Variants in MKLN1 observed in about 807,000 individuals in gnomAD.
MKLN1 encodes muskelin 1, also known as muskelin.
A neutral mutation model predicts 99.0 loss-of-function variants in MKLN1; 18 were observed. That is an observed-to-expected ratio of 0.18 (90% confidence interval 0.13 to 0.27). MKLN1 has a LOEUF of 0.27. MKLN1 is among the 10% of genes least tolerant of loss of function. MKLN1 has a pLI of 1.00. For synonymous variants in MKLN1, 288 were observed against 293.2 expected, an observed-to-expected ratio of 0.98 and a Z score of 0.18; for missense variants, 621 against 875.9, an observed-to-expected ratio of 0.71 and a Z score of 3.67.
chr7:131,146,011 G>A (rs558793055), intron 2 of MKLN1, among the ~76,000 whole-genome samples: 28 of 152,330 alleles, frequency 1.8e-4, no homozygotes, highest in South Asian at 8.3e-4. Flanking sequence ...ACCATAATAC[G>A]TGATTAATGA....
chr7:131,412,074 G>A lies in MKLN1; in HGVS notation c.781+691G>A, dbSNP rs539829483. On this transcript the variant is annotated intron_variant, in intron 7 of 17. Coordinates refer to ENST00000352689, the MANE Select transcript of MKLN1 (RefSeq NM_013255.5). ...TGCACTTCAACCTGGGCAACAGAGCGAGACTCTGTCTCAAAAAACAAAACA... is the reference window on the plus strand; with the variant it reads ...TGCACTTCAACCTGGGCAACAGAGCAAGACTCTGTCTCAAAAAACAAAACA... 1.2e-4 allele frequency among the ~76,000 whole-genome samples: 19 copies of A among 152,142 alleles called. 1 individual carries two copies. The South Asian group carries it at 2.1e-3, about 17-fold the overall frequency.
chr7:131,448,851 A>G (rs1272164521), intron 12 of MKLN1, among the ~76,000 whole-genome samples: 1 of 152,218 alleles, frequency 6.6e-6, no homozygotes, highest in Non-Finnish European at 1.5e-5. Flanking sequence ...ACCATCTACT[A>G]GCATCTAAGT....
intron 9 of MKLN1, 42 bp from the exon 10 acceptor site, chr7:131,437,743 T>C: frequency 1.4e-6 from 2 of 1,400,834 alleles, no homozygotes; most frequent in Non-Finnish European, 2.0e-6. Context: ...TTTTTTTTGC[T>C]CTTTATTTGT....
chr7:131,230,826 A>G (rs530935759), intron 3 of MKLN1, among the ~76,000 whole-genome samples: 11 of 152,108 alleles, frequency 7.2e-5, no homozygotes, highest in South Asian at 2.1e-4. Context: ...GCTTCTGTTT[A>G]TATGTCTCTT....
At chr7:131,282,175 C>T (rs1171954070) in intron 3 of MKLN1, among the ~76,000 whole-genome samples, 1 of 151,570 alleles carries the variant, frequency 6.6e-6, no homozygotes, top group East Asian at 1.9e-4. Context: ...CATGGAGAAA[C>T]TTCATCTCTA....
intron 1 of MKLN1, among the ~76,000 whole-genome samples, chr7:131,337,141 T>C (rs1799271655): frequency 6.6e-6 from 1 of 152,160 alleles, no homozygotes; most frequent in South Asian, 2.1e-4. Context: ...GCTGCCTTTC[T>C]TTTTGTCATT....
chr7:131,247,235 C>CTTTTTTTTTTT (rs72068521), intron 3 of MKLN1, among the ~76,000 whole-genome samples: 13 of 141,148 alleles, frequency 9.2e-5, no homozygotes, highest in Admixed American at 2.8e-4. Context: ...TTTCTTTTTT[C>CTTTTTTTTTTT]TTTTTTTTTT....
At chr7:131,254,843 A>G (rs1563268741) in intron 3 of MKLN1, among the ~76,000 whole-genome samples, 1 of 152,294 alleles carries the variant, frequency 6.6e-6, no homozygotes, top group East Asian at 1.9e-4. Flanking sequence ...TGGGGTTACC[A>G]GAAGAAGAGG....
intron 2 of MKLN1, among the ~76,000 whole-genome samples, chr7:131,192,079 ATATATATTATATATATATG>A (rs1328140765): frequency 1.4e-5 from 1 of 71,672 alleles, no homozygotes; most frequent in African/African-American, 7.3e-5. Flanking sequence ...ATATATATAC[ATATATATTATATATATATG>A]TATATATATA....
intron 1 of MKLN1, among the ~76,000 whole-genome samples, chr7:131,347,314 A>T (rs1799592051): frequency 6.6e-6 from 1 of 152,220 alleles, no homozygotes; most frequent in African/African-American, 2.4e-5. Flanking sequence ...CTGCATTCAG[A>T]TGCAGGAACC....
At chr7:131,445,628 C>G (rs1584751374) in intron 11 of MKLN1, 146 bp from the exon 12 acceptor site, 2 of 578,246 alleles carry the variant, frequency 3.5e-6, no homozygotes, top group Admixed American at 6.6e-5. Flanking sequence ...AGAGAGCTTC[C>G]TCTTTCCCTT....
At chr7:131,124,480 T>C (rs1372631529) in intron 1 of MKLN1, among the ~76,000 whole-genome samples, 1 of 152,208 alleles carries the variant, frequency 6.6e-6, no homozygotes, top group Admixed American at 6.5e-5. Context: ...GCCCTACTTA[T>C]GGGTCCAACC....
At chr7:131,151,801 G>T (rs543330507) in intron 2 of MKLN1, among the ~76,000 whole-genome samples, 5 of 151,948 alleles carry the variant, frequency 3.3e-5, no homozygotes, top group African/African-American at 1.2e-4. Context: ...ATTTATGCAC[G>T]CATACAAACA....
At chr7:131,362,481 G>T (rs1800058996) in intron 1 of MKLN1, among the ~76,000 whole-genome samples, 1 of 152,000 alleles carries the variant, frequency 6.6e-6, no homozygotes, top group Non-Finnish European at 1.5e-5. Flanking sequence ...TGCATAGTTT[G>T]TACTAGGAAT....
chr7:131,332,647 GATGT>G (rs1799112653), intron 1 of MKLN1, among the ~76,000 whole-genome samples: 2 of 151,706 alleles, frequency 1.3e-5, no homozygotes, highest in South Asian at 2.1e-4. Context: ...TTTTACTGTA[GATGT>G]ATGTATTTTT....
At chr7:131,365,492 T>G (rs1240687582) in intron 1 of MKLN1, among the ~76,000 whole-genome samples, 1 of 152,202 alleles carries the variant, frequency 6.6e-6, no homozygotes, top group Non-Finnish European at 1.5e-5. Flanking sequence ...TGCAATTGTT[T>G]TTTATTTGTC....
chr7:131,176,573 C>T (rs1190219127), intron 2 of MKLN1, among the ~76,000 whole-genome samples: 1 of 152,208 alleles, frequency 6.6e-6, no homozygotes, highest in African/African-American at 2.4e-5. Context: ...AAAGCTAGGA[C>T]TGTGTCAAAA....
Position 131,414,729 on chromosome 7 carries a change from G to A in MKLN1, c.847+19G>A. 2.6e-6 allele frequency: 4 copies of A among 1,564,080 alleles called. No homozygotes were observed. Among genetic ancestry groups the A allele is most frequent in the Non-Finnish European group, 2.6e-6 (3 of 1,154,998 alleles). ...CAAACAGGTGAGTAGCAGTTGCAGT[G>A]GAAAGCAAAATCTTCATTGGCTACA... On this transcript the variant is annotated intron_variant, in intron 8 of 17. Transcript: ENST00000352689.
chr7:131,470,793 T>G (rs1214207748), intron 15 of MKLN1, 49 bp from the exon 16 acceptor site: 1 of 1,197,520 alleles, frequency 8.4e-7, no homozygotes, highest in South Asian at 1.2e-5. Flanking sequence ...AAGACATTTC[T>G]GATATTTTCT....
Sources: gnomAD v4.1 joint callset for allele counts (sites outside exome capture counted in the v4.1 genomes callset) on GRCh38, gnomAD v4.1.1 for gene constraint, MANE v1.5 for transcripts, NCBI Gene and HGNC (gene_info 2026-07-23, HGNC 2026-07-21) for gene names.